CDK14: variants seen among roughly 807,000 people sequenced by gnomAD.
CDK14 encodes cyclin dependent kinase 14, also known as cyclin-dependent kinase 14.
In CDK14, 34 loss-of-function variants were observed where a neutral mutation model predicts 60.7. The ratio of observed to expected loss-of-function variants is 0.56; its 90% CI spans 0.43 to 0.75. CDK14 has a LOEUF of 0.75. CDK14 is among the 30% of genes least tolerant of loss of function. CDK14 has a pLI of 0.00. For synonymous variants in CDK14, 197 were observed against 203.7 expected, an observed-to-expected ratio of 0.97 and a Z score of 0.28; for missense variants, 482 against 564.1, an observed-to-expected ratio of 0.85 and a Z score of 1.47.
chr7:91,151,810 A>G (rs954318168), intron 14 of CDK14, among the ~76,000 whole-genome samples: 3 of 152,190 alleles, frequency 2.0e-5, no homozygotes, highest in African/African-American at 7.2e-5. Context: ...TTTCATGGTC[A>G]CTAAGATGGA....
intron 11 of CDK14, among the ~76,000 whole-genome samples, chr7:91,061,860 A>C (rs984472666): frequency 6.6e-6 from 1 of 152,192 alleles, no homozygotes; most frequent in African/African-American, 2.4e-5. Flanking sequence ...GACCCACTTG[A>C]GGAGGCAGTC....
intron 2 of CDK14, among the ~76,000 whole-genome samples, chr7:90,649,859 A>G (rs1013392458): frequency 1.1e-4 from 16 of 152,088 alleles, no homozygotes; most frequent in African/African-American, 3.6e-4. Flanking sequence ...CCAGTCTATC[A>G]TTGATGGACA....
At chr7:91,008,384 T>C (rs1432724617) in intron 10 of CDK14, among the ~76,000 whole-genome samples, 1 of 152,152 alleles carries the variant, frequency 6.6e-6, no homozygotes, top group Non-Finnish European at 1.5e-5. Context: ...GCCTGTGATC[T>C]CAGTTTAGAA....
At chr7:90,641,215 C>T (rs1222382759) in intron 2 of CDK14, among the ~76,000 whole-genome samples, 5 of 152,048 alleles carry the variant, frequency 3.3e-5, no homozygotes, top group Admixed American at 3.3e-4. Flanking sequence ...GGAAAACAGT[C>T]TGTAGTTCCT....
At chr7:90,628,798 C>T (rs1341611504) in intron 2 of CDK14, among the ~76,000 whole-genome samples, 2 of 152,060 alleles carry the variant, frequency 1.3e-5, no homozygotes, top group Non-Finnish European at 2.9e-5. Flanking sequence ...ATCACACCCA[C>T]CACTGCACTC....
At chr7:91,025,788 G>T (rs7779423) in intron 10 of CDK14, among the ~76,000 whole-genome samples, 3 of 152,202 alleles carry the variant, frequency 2.0e-5, no homozygotes, top group African/African-American at 7.2e-5. Flanking sequence ...AGCAGTGAAG[G>T]TTTTCTTCCT....
chr7:90,990,570 G>C (rs1454433990), intron 10 of CDK14, among the ~76,000 whole-genome samples: 3 of 152,044 alleles, frequency 2.0e-5, no homozygotes, highest in Admixed American at 6.5e-5. Context: ...ATAAGTAAAA[G>C]AAACGTATGA....
At chr7:90,768,444 G>A (rs1455380570) in intron 4 of CDK14, among the ~76,000 whole-genome samples, 2 of 152,146 alleles carry the variant, frequency 1.3e-5, no homozygotes, top group African/African-American at 4.8e-5. Context: ...TTTGAAAGTT[G>A]GAGAAAGCAG....
intron 14 of CDK14, among the ~76,000 whole-genome samples, chr7:91,169,273 C>T (rs962445856): frequency 5.9e-5 from 9 of 152,254 alleles, no homozygotes; most frequent in African/African-American, 7.2e-5. Context: ...AGCTCCCACT[C>T]GGCAGGAATT....
At chr7:90,676,568 T>C (rs1801203341) in intron 2 of CDK14, among the ~76,000 whole-genome samples, 1 of 150,470 alleles carries the variant, frequency 6.6e-6, no homozygotes, top group Admixed American at 6.7e-5. Context: ...GGTCTCACTC[T>C]GTCACCCAGG....
chr7:90,679,051 G>C (rs1382241290), intron 2 of CDK14, among the ~76,000 whole-genome samples: 1 of 152,114 alleles, frequency 6.6e-6, no homozygotes, highest in East Asian at 1.9e-4. Context: ...CCAGGCTCAA[G>C]CAATCCTCCC....
At chr7:91,188,821 T>A (rs1405009317) in intron 14 of CDK14, among the ~76,000 whole-genome samples, 1 of 152,222 alleles carries the variant, frequency 6.6e-6, no homozygotes, top group African/African-American at 2.4e-5. Flanking sequence ...TGTTGATGAG[T>A]TTAGAAATAA....
intron 3 of CDK14, among the ~76,000 whole-genome samples, chr7:90,729,995 G>C (rs980940172): frequency 1.3e-5 from 2 of 152,032 alleles, no homozygotes; most frequent in Non-Finnish European, 2.9e-5. Flanking sequence ...ATTTACATTA[G>C]ATATTTCTCC....
chr7:90,635,700 A>G (rs1208889598), intron 2 of CDK14, among the ~76,000 whole-genome samples: 1 of 152,102 alleles, frequency 6.6e-6, no homozygotes, highest in Non-Finnish European at 1.5e-5. Flanking sequence ...TGGGGATGGC[A>G]TTGAATCTAT....
intron 10 of CDK14, among the ~76,000 whole-genome samples, chr7:91,039,827 C>T (rs1343286941): frequency 6.6e-6 from 1 of 152,082 alleles, no homozygotes; most frequent in Non-Finnish European, 1.5e-5. Flanking sequence ...TGCGGTGGCT[C>T]ACACCCGTAG....
chr7:90,925,315 G>A (rs1359058655), intron 8 of CDK14, among the ~76,000 whole-genome samples: 1 of 152,204 alleles, frequency 6.6e-6, no homozygotes, highest in African/African-American at 2.4e-5. Flanking sequence ...AATATTGGAT[G>A]TAGAAACTGT....
intron 12 of CDK14, among the ~76,000 whole-genome samples, chr7:91,104,273 A>G (rs1032936542): frequency 6.6e-6 from 1 of 152,096 alleles, no homozygotes; most frequent in African/African-American, 2.4e-5. Context: ...GTGACCTGCG[A>G]TAGAACACTG....
intron 7 of CDK14, 52 bp from the exon 8 acceptor site, chr7:90,917,549 A>T: frequency 6.3e-7 from 1 of 1,587,678 alleles, no homozygotes. Flanking sequence ...TGTATGTAGA[A>T]ACTGGCATTT....
intron 2 of CDK14, among the ~76,000 whole-genome samples, chr7:90,691,784 A>T (rs1375278070): frequency 1.3e-5 from 2 of 152,210 alleles, no homozygotes; most frequent in East Asian, 3.9e-4. Context: ...GGAGACATTG[A>T]GAAATGGTTG....
Sources: allele counts gnomAD v4.1 joint callset (sites outside exome capture counted in the v4.1 genomes callset), GRCh38; gene constraint gnomAD v4.1.1; transcripts MANE v1.5; gene names NCBI Gene and HGNC (gene_info 2026-07-23, HGNC 2026-07-21).